ZSCAN5A: variants seen among roughly 807,000 people sequenced by gnomAD.
The protein encoded by ZSCAN5A is zinc finger and SCAN domain containing 5A.
Under a neutral mutation model 23.7 loss-of-function variants are expected in ZSCAN5A, and 12 were observed. The observed-to-expected ratio is 0.51, with a 90% confidence interval of 0.32 to 0.82. The LOEUF is 0.82. ZSCAN5A is among the 40% of genes least tolerant of loss of function. The probability of loss-of-function intolerance (pLI) is 0.03; values close to 1 mark genes in which losing one functional copy is unlikely to be tolerated. For missense variants in ZSCAN5A, 597 were observed against 617.9 expected, an observed-to-expected ratio of 0.97 and a Z score of 0.36; for synonymous variants, 257 against 239.9, an observed-to-expected ratio of 1.07 and a Z score of -0.66.
At chr19:56,281,412 T>C (rs906574064) in intron 2 of ZSCAN5A, among the ~76,000 whole-genome samples, 5 of 152,200 alleles carry the variant, frequency 3.3e-5, no homozygotes, top group Non-Finnish European at 2.9e-5. Context: ...GTAAGATTAA[T>C]TTCTGAAACT....
intron 2 of ZSCAN5A, among the ~76,000 whole-genome samples, chr19:56,251,104 C>T (rs2036304409): frequency 6.7e-6 from 1 of 148,990 alleles, no homozygotes; most frequent in African/African-American, 2.5e-5. Flanking sequence ...GAGCCAAGAT[C>T]GTGCCACTGC....
chr19:56,275,811 T>C (rs564116653), intron 2 of ZSCAN5A, among the ~76,000 whole-genome samples: 18 of 152,322 alleles, frequency 1.2e-4, no homozygotes, highest in African/African-American at 3.4e-4. Context: ...TGAATCTGAT[T>C]TATCTGCGTC....
chr19:56,246,381 G>T, intron 2 of ZSCAN5A: 1 of 550,198 alleles, frequency 1.8e-6, no homozygotes. Flanking sequence ...TGAGACCCAA[G>T]CCAACCTTGG....
At chr19:56,361,668 A>T (rs777559124) in intron 2 of ZSCAN5A, among the ~76,000 whole-genome samples, 2 of 152,188 alleles carry the variant, frequency 1.3e-5, no homozygotes, top group African/African-American at 4.8e-5. Context: ...GAACACATGG[A>T]AACAGGGAGG....
At chr19:56,243,905 T>G in intron 2 of ZSCAN5A, 1 of 503,144 alleles carries the variant, frequency 2.0e-6, no homozygotes, top group Non-Finnish European at 3.5e-6. Flanking sequence ...ATCGGGCTCA[T>G]GTTTTTTTTT....
intron 2 of ZSCAN5A, among the ~76,000 whole-genome samples, chr19:56,232,703 G>C (rs1234081542): frequency 4.0e-5 from 6 of 151,506 alleles, no homozygotes; most frequent in Non-Finnish European, 5.9e-5. Flanking sequence ...TTTTCAGACA[G>C]GGTCTTGCTC....
chr19:56,285,780 AGTTTT>A (rs1214342637), intron 2 of ZSCAN5A, among the ~76,000 whole-genome samples: 2 of 152,022 alleles, frequency 1.3e-5, no homozygotes, highest in Non-Finnish European at 2.9e-5. Context: ...CGCCCAGCCC[AGTTTT>A]GTTTTATTTT....
chr19:56,303,873 G>A (rs1278618801), intron 2 of ZSCAN5A, among the ~76,000 whole-genome samples: 2 of 152,116 alleles, frequency 1.3e-5, no homozygotes, highest in Admixed American at 6.5e-5. Flanking sequence ...AGCAGCTTGG[G>A]GGCAACCACT....
chr19:56,335,585 TTTAAGA>T (rs1012961018), intron 2 of ZSCAN5A, among the ~76,000 whole-genome samples: 24 of 152,366 alleles, frequency 1.6e-4, no homozygotes, highest in African/African-American at 5.8e-4. Flanking sequence ...CCCATTTACA[TTTAAGA>T]TTAATATTGT....
At chr19:56,329,006 A>AAAT (rs1555811871) in intron 2 of ZSCAN5A, among the ~76,000 whole-genome samples, 66 of 144,598 alleles carry the variant, frequency 4.6e-4, no homozygotes, top group Middle Eastern at 3.7e-3. Context: ...AAAAAAAAAA[A>AAAT]AAATAAATAA....
In ZSCAN5A at chr19:56,365,089, C is replaced by A. The variant is rs575837179; in HGVS notation, c.-521-1691G>T. On this transcript the variant is annotated intron_variant, in intron 1 of 6. Coordinates refer to the ZSCAN5A transcript ENST00000587340. ...ACAGAACAGACACATCACACATAAA[C>A]AAGAACGCTTTGTTCTTATCAGAAT... 17 of 152,322 alleles carry A rather than the reference C, an allele frequency of 1.1e-4. No homozygotes were observed. In the East Asian group the frequency reaches 3.1e-3, roughly 28 times the overall value. 9.4% of individuals were successfully genotyped at this position (152,322 alleles called of 1,614,324 possible). A position where few individuals can be genotyped will look rare whatever the true frequency, so the allele number is the denominator to read the frequency against.
At chr19:56,322,167 G>C in intron 2 of ZSCAN5A, 1 of 794,476 alleles carries the variant, frequency 1.3e-6, no homozygotes, top group Non-Finnish European at 2.3e-6. Context: ...CTGTTAACAG[G>C]TTCTGAAATG....
chr19:56,334,806 C>T (rs996690121), intron 2 of ZSCAN5A, among the ~76,000 whole-genome samples: 1 of 152,112 alleles, frequency 6.6e-6, no homozygotes, highest in African/African-American at 2.4e-5. Flanking sequence ...TCAGCAACTT[C>T]AAATATTAAA....
chr19:56,247,817 G>C (rs140327704), intron 2 of ZSCAN5A, among the ~76,000 whole-genome samples: 259 of 151,992 alleles, frequency 1.7e-3, no homozygotes, highest in African/African-American at 5.8e-3. Context: ...TCAGCCTCCC[G>C]AGTAGCTGGG....
intron 2 of ZSCAN5A, among the ~76,000 whole-genome samples, chr19:56,259,172 G>A (rs905735480): frequency 1.3e-5 from 2 of 152,078 alleles, no homozygotes; most frequent in Non-Finnish European, 2.9e-5. Flanking sequence ...CAGATAACTG[G>A]AACAGCATTG....
Position 56,222,060 on chromosome 19 carries a change from G to T in ZSCAN5A, c.1006C>A (p.Pro336Thr), listed in dbSNP as rs760696171. 2 of 1,614,126 alleles carry T rather than the reference G, an allele frequency of 1.2e-6. No homozygotes were observed. The highest frequency in any genetic ancestry group is 3.3e-5 in the Admixed American group (2 of 60,028). Residue 336 changes from proline to threonine, a missense_variant, in exon 6 of 6, where the codon CCA becomes ACA. Pro to Thr is a conservative substitution (Grantham distance 38, BLOSUM62 -1). Around this residue, in one of 5 missense-constraint regions of ZSCAN5A, gnomAD observed 406 missense variants for 353.2 expected, o/e 1.15. Coordinates refer to ENST00000683990, the MANE Select transcript of ZSCAN5A (RefSeq NM_001322064.3). ...GQAGMNSIHSPGPASPVSHPD... is the reference protein window; with the variant it reads ...GQAGMNSIHSTGPASPVSHPD... ...TGACTGACTGGGCTCGCAGGGCCTG[G>T]GGAATGAATTGAATTCATCCCAGCT...
intron 1 of ZSCAN5A, among the ~76,000 whole-genome samples, chr19:56,364,076 A>G (rs1363602497): frequency 6.6e-6 from 1 of 152,240 alleles, no homozygotes; most frequent in African/African-American, 2.4e-5. Context: ...CCTCTGCAGC[A>G]ACCCCTCCCA....
intron 2 of ZSCAN5A, among the ~76,000 whole-genome samples, chr19:56,238,097 C>CACGT (rs2035124952): frequency 1.6e-4 from 1 of 6,374 alleles, no homozygotes; most frequent in Non-Finnish European, 3.8e-4. Flanking sequence ...CCCGGACACA[C>CACGT]GGAAACACAT....
chr19:56,285,708 T>C (rs1251071913), intron 2 of ZSCAN5A, among the ~76,000 whole-genome samples: 2 of 152,204 alleles, frequency 1.3e-5, no homozygotes, highest in Non-Finnish European at 1.5e-5. Context: ...CTCGAACTCC[T>C]GACCTCGTGA....
Sources: gnomAD v4.1 joint callset for allele counts (sites outside exome capture counted in the v4.1 genomes callset) on GRCh38, gnomAD v4.1.1 for gene constraint, gnomAD v4.1.1 regional missense constraint, MANE v1.5 for transcripts, NCBI Gene and HGNC (gene_info 2026-07-23, HGNC 2026-07-21) for gene names.